TRPM3: variants seen among roughly 807,000 people sequenced by gnomAD.
The protein encoded by TRPM3 is long transient receptor potential channel 3.
A neutral mutation model predicts 181.2 loss-of-function variants in TRPM3; 77 were observed. The observed-to-expected ratio is 0.42, with a 90% CI of 0.35 to 0.51. The LOEUF (loss-of-function observed/expected upper bound fraction) is 0.51, where lower values mean the gene tolerates loss of function less well. Ranked by LOEUF, TRPM3 falls within the 20% of genes least tolerant of loss-of-function variation. TRPM3 has a pLI of 0.01. For synonymous variants in TRPM3, 745 were observed against 796.4 expected (o/e 0.94, Z 1.09); for missense variants, 1,759 against 2,196.7 (o/e 0.80, Z 3.98).
chr9:70,780,273 C>T (rs1435977964), intron 7 of TRPM3, among the ~76,000 whole-genome samples: 4 of 152,084 alleles, frequency 2.6e-5, no homozygotes, highest in Admixed American at 6.6e-5. Context: ...TAACTTAAAA[C>T]ATTTTTAATC....
intron 1 of TRPM3, among the ~76,000 whole-genome samples, chr9:70,888,055 A>AT (rs1407173197): frequency 6.6e-6 from 1 of 152,206 alleles, no homozygotes; most frequent in Non-Finnish European, 1.5e-5. Flanking sequence ...TCCCACGGAT[A>AT]TCTTCAAAGC....
At chr9:70,758,019 A>T (rs2077396382) in intron 8 of TRPM3, among the ~76,000 whole-genome samples, 1 of 152,214 alleles carries the variant, frequency 6.6e-6, no homozygotes, top group South Asian at 2.1e-4. Context: ...GTATTCAAAT[A>T]GGAAGAGAGG....
intron 9 of TRPM3, among the ~76,000 whole-genome samples, chr9:70,661,316 A>AT (rs2061105084): frequency 1.3e-5 from 2 of 152,246 alleles, no homozygotes; most frequent in African/African-American, 4.8e-5. Flanking sequence ...TATCTGACAA[A>AT]CCCACAGCCA....
chr9:71,325,824 T>C (rs2132498632), intron 1 of TRPM3, among the ~76,000 whole-genome samples: 1 of 152,254 alleles, frequency 6.6e-6, no homozygotes, highest in South Asian at 2.1e-4. Context: ...ACATTTAATT[T>C]TATGATTTTT....
rs560346836 is a variant in TRPM3, at chr9:70,537,144, G to C, written c.3969C>G (p.Leu1323=). The change falls in exon 26 of 26, where the codon CTC becomes CTG. Residue 1323 remains leucine, a synonymous_variant. Coordinates refer to ENST00000677713, the MANE Select transcript of TRPM3 (RefSeq NM_001366145.2). ...FNSQEGNTFK[L]QESIDPAGEE... is the part of the protein sequence containing the mutation. ...CACCTGCAGGGTCTATACTCTCTTGGAGCTTGAAGGTGTTCCCTTCCTGGC... is the reference window on the plus strand; with the variant it reads ...CACCTGCAGGGTCTATACTCTCTTGCAGCTTGAAGGTGTTCCCTTCCTGGC... 6.3e-7 allele frequency: 1 copy of C among 1,591,530 alleles called. No individual in the cohort carries two copies. Among genetic ancestry groups the C allele is most frequent in the East Asian group, 2.3e-5 (1 of 44,292 alleles).
At position 70,581,225 on chromosome 9, in the gene TRPM3, G is replaced by GAGTGTGTCACTA. The variant is rs1312936362; in HGVS notation, c.3223+9794_3223+9805dup. Among the ~76,000 whole-genome samples, 25 of 151,892 alleles carry GAGTGTGTCACTA rather than the reference G, an allele frequency of 1.6e-4. 1 individual carries two copies. The highest frequency in any genetic ancestry group is 6.0e-4 in the African/African-American group (25 of 41,360). On this transcript the variant is annotated intron_variant, in intron 22 of 25. Transcript: ENST00000677713. ...CCAGTGGGTGTCATCTCCCTGAATT[G>GAGTGTGTCACTA]AGTGTGTCACTAAGTTGAAGACTCA...
At chr9:70,807,822 G>A (rs1392638498) in intron 6 of TRPM3, among the ~76,000 whole-genome samples, 1 of 152,134 alleles carries the variant, frequency 6.6e-6, no homozygotes, top group Non-Finnish European at 1.5e-5. Context: ...TGTGGGCCCA[G>A]GAGGATACCA....
intron 1 of TRPM3, among the ~76,000 whole-genome samples, chr9:71,029,290 G>T (rs1565013277): frequency 6.6e-6 from 1 of 152,088 alleles, no homozygotes; most frequent in Non-Finnish European, 1.5e-5. Context: ...TCCAGATAAA[G>T]AACTCTTAAC....
At chr9:71,052,460 G>A (rs1934080826) in intron 1 of TRPM3, among the ~76,000 whole-genome samples, 1 of 152,134 alleles carries the variant, frequency 6.6e-6, no homozygotes, top group South Asian at 2.1e-4. Context: ...AAGTCAGCAG[G>A]AAAGAATTCC....
At chr9:70,974,494 G>A (rs1301119847) in intron 1 of TRPM3, among the ~76,000 whole-genome samples, 2 of 151,844 alleles carry the variant, frequency 1.3e-5, no homozygotes, top group South Asian at 2.1e-4. Flanking sequence ...AGCCGAGAGC[G>A]CGCCACTGCA....
intron 1 of TRPM3, among the ~76,000 whole-genome samples, chr9:71,219,120 G>T (rs2080081266): frequency 6.6e-6 from 1 of 152,078 alleles, no homozygotes; most frequent in East Asian, 1.9e-4. Flanking sequence ...GTGAGAAAAG[G>T]CTGCATTTCC....
chr9:70,609,397 T>C (rs931698068), intron 19 of TRPM3, among the ~76,000 whole-genome samples: 2 of 152,268 alleles, frequency 1.3e-5, no homozygotes, highest in Non-Finnish European at 2.9e-5. Context: ...ATTTGAATTT[T>C]TACCTCACTG....
intron 6 of TRPM3, among the ~76,000 whole-genome samples, chr9:70,810,503 G>C (rs2091825822): frequency 6.6e-6 from 1 of 151,820 alleles, no homozygotes; most frequent in African/African-American, 2.4e-5. Flanking sequence ...TCCTAATATT[G>C]TTTCTCCACC....
At chr9:71,002,183 T>C (rs2097611617) in intron 1 of TRPM3, among the ~76,000 whole-genome samples, 1 of 152,210 alleles carries the variant, frequency 6.6e-6, no homozygotes, top group Admixed American at 6.5e-5. Flanking sequence ...TAGAATACTC[T>C]CTCAATCCAT....
intron 9 of TRPM3, among the ~76,000 whole-genome samples, chr9:70,666,215 G>A (rs2061825627): frequency 6.6e-6 from 1 of 152,210 alleles, no homozygotes; most frequent in Admixed American, 6.5e-5. Flanking sequence ...CCAGGCAGAA[G>A]CCTTAGCAAG....
intron 1 of TRPM3, among the ~76,000 whole-genome samples, chr9:71,057,281 T>C (rs893404295): frequency 2.0e-5 from 3 of 152,018 alleles, no homozygotes; most frequent in Non-Finnish European, 4.4e-5. Flanking sequence ...TTCTCTACCA[T>C]TGAGTCTATT....
intron 25 of TRPM3, among the ~76,000 whole-genome samples, chr9:70,546,225 G>C (rs187836522): frequency 3.3e-5 from 5 of 152,320 alleles, no homozygotes; most frequent in African/African-American, 1.2e-4. Flanking sequence ...GTTTTCATCA[G>C]TGGTTATTAA....
At chr9:70,940,806 C>T (rs1417065540) in intron 1 of TRPM3, among the ~76,000 whole-genome samples, 1 of 151,902 alleles carries the variant, frequency 6.6e-6, no homozygotes, top group African/African-American at 2.4e-5. Context: ...TGAGGGAGCA[C>T]CTGGTTAAAT....
At chr9:70,662,963 G>A (rs1197045859) in intron 9 of TRPM3, among the ~76,000 whole-genome samples, 3 of 152,094 alleles carry the variant, frequency 2.0e-5, no homozygotes, top group East Asian at 1.9e-4. Context: ...AGCACAATTC[G>A]CAATGGCAAA....
Sources: allele counts gnomAD v4.1 joint callset (sites outside exome capture counted in the v4.1 genomes callset), GRCh38; gene constraint gnomAD v4.1.1; transcripts MANE v1.5; gene names NCBI Gene and HGNC (gene_info 2026-07-23, HGNC 2026-07-21).